Variants in HS3ST3B1 observed in about 807,000 individuals in gnomAD.
HS3ST3B1 encodes the protein heparan sulfate glucosamine 3-O-sulfotransferase 3B1.
Under a neutral mutation model 21.3 loss-of-function variants are expected in HS3ST3B1, and 13 were observed. The observed-to-expected ratio is 0.61, with a 90% confidence interval of 0.40 to 0.97. HS3ST3B1 has a LOEUF of 0.97. Among genes scored for constraint, HS3ST3B1 ranks in the 50% least tolerant of loss-of-function variants. HS3ST3B1 has a pLI of 0.00. For missense variants in HS3ST3B1, 459 were observed against 554.8 expected (o/e 0.83, Z 1.73); for synonymous variants, 234 against 254.8 (o/e 0.92, Z 0.78).
At chr17:14,310,080 A>G (rs1394913194) in intron 1 of HS3ST3B1, among the ~76,000 whole-genome samples, 1 of 152,238 alleles carries the variant, frequency 6.6e-6, no homozygotes, top group African/African-American at 2.4e-5. Flanking sequence ...GATTCAGTGG[A>G]TAACAGAAAA....
In HS3ST3B1 at chr17:14,302,164, A is replaced by T. The variant is rs1161268017; in HGVS notation, c.554+92A>T. On this transcript the variant is annotated intron_variant, in intron 1 of 1. Coordinates refer to ENST00000360954, the MANE Select transcript of HS3ST3B1 (RefSeq NM_006041.3). Reference sequence around the variant, plus strand: ...CGTATGATAGGGAATTGGCAGGGTTACAGCTTCGGACCACCCGGGGTAGGG... The same window carrying T: ...CGTATGATAGGGAATTGGCAGGGTTTCAGCTTCGGACCACCCGGGGTAGGG... The T allele has an allele frequency of 4.3e-6, 6 of 1,400,546 alleles. No homozygotes were observed. The African/African-American group carries it at 8.6e-5, about 20-fold the overall frequency. 86.8% of individuals were successfully genotyped at this position (1,400,546 alleles called of 1,614,324 possible).
chr17:14,332,656 A>G (rs1220605416), intron 1 of HS3ST3B1, among the ~76,000 whole-genome samples: 2 of 151,704 alleles, frequency 1.3e-5, no homozygotes, highest in East Asian at 3.9e-4. Context: ...TGGGTCCCTC[A>G]TTTCCCTTAT....
intron 1 of HS3ST3B1, among the ~76,000 whole-genome samples, chr17:14,317,892 T>A (rs968118437): frequency 6.7e-6 from 1 of 149,276 alleles, no homozygotes; most frequent in Non-Finnish European, 1.5e-5. Context: ...ATTTAAAAAT[T>A]TGTGATTTCA....
intron 1 of HS3ST3B1, among the ~76,000 whole-genome samples, chr17:14,320,279 C>T (rs12150152): frequency 1.3e-5 from 2 of 151,948 alleles, no homozygotes; most frequent in Non-Finnish European, 1.5e-5. Flanking sequence ...TGGGGCGCTG[C>T]ACTGGGAAGG....
intron 1 of HS3ST3B1, chr17:14,328,157 A>C (rs1909874390): frequency 6.6e-6 from 1 of 152,228 alleles, no homozygotes; most frequent in Non-Finnish European, 1.5e-5. Context: ...AACATCATCT[A>C]TCAAAAAGTT....
At chr17:14,313,117 T>TAC (rs1214707058) in intron 1 of HS3ST3B1, among the ~76,000 whole-genome samples, 34 of 95,506 alleles carry the variant, frequency 3.6e-4, no homozygotes, top group African/African-American at 1.2e-3. Flanking sequence ...TGTATATATA[T>TAC]ATATATGTGT....
At chr17:14,309,426 CG>C (rs1909235004) in intron 1 of HS3ST3B1, among the ~76,000 whole-genome samples, 1 of 152,216 alleles carries the variant, frequency 6.6e-6, no homozygotes, top group African/African-American at 2.4e-5. Flanking sequence ...CCTGGCTGAG[CG>C]GCCCGCGCTA....
At chr17:14,325,659 A>T (rs777571243) in intron 1 of HS3ST3B1, among the ~76,000 whole-genome samples, 1 of 152,214 alleles carries the variant, frequency 6.6e-6, no homozygotes, top group South Asian at 2.1e-4. Context: ...ACACCTAGTG[A>T]TCTTTTTTTG....
chr17:14,329,367 A>AAGAAAGAAAAGGAAGGAAGGAAGGAAGG (rs1555549453), intron 1 of HS3ST3B1: 83 of 106,180 alleles, frequency 7.8e-4, no homozygotes, highest in African/African-American at 3.0e-3. Context: ...GAAAGAAAGA[A>AAGAAAGAAAAGGAAGGAAGGAAGGAAGG]AAGGAAGGAA....
intron 1 of HS3ST3B1, among the ~76,000 whole-genome samples, chr17:14,342,996 C>A (rs1910433916): frequency 6.6e-6 from 1 of 152,206 alleles, no homozygotes; most frequent in Non-Finnish European, 1.5e-5. Context: ...GTAATCCCAG[C>A]ACTTTGGGAG....
intron 1 of HS3ST3B1, among the ~76,000 whole-genome samples, chr17:14,343,025 C>CCT (rs1433627796): frequency 6.6e-6 from 1 of 152,060 alleles, no homozygotes; most frequent in South Asian, 2.1e-4. Flanking sequence ...GGGTGGATCA[C>CCT]GAGGTCAGGA....
intron 1 of HS3ST3B1, among the ~76,000 whole-genome samples, chr17:14,339,285 C>G (rs1043253098): frequency 4.6e-5 from 7 of 152,028 alleles, no homozygotes; most frequent in Non-Finnish European, 7.4e-5. Flanking sequence ...AACCAAAGAG[C>G]CTTATTGTTT....
At chr17:14,314,991 G>T (rs146255787) in intron 1 of HS3ST3B1, among the ~76,000 whole-genome samples, 2 of 152,296 alleles carry the variant, frequency 1.3e-5, no homozygotes, top group East Asian at 1.9e-4. Context: ...GGTCTGCTTA[G>T]CTGGCTGCCA....
At chr17:14,334,827 G>C (rs1007871415) in intron 1 of HS3ST3B1, among the ~76,000 whole-genome samples, 3 of 152,076 alleles carry the variant, frequency 2.0e-5, no homozygotes, top group Admixed American at 6.6e-5. Context: ...TTTGAGTTTA[G>C]CTGCTGATGT....
chr17:14,315,681 C>T (rs886224368), intron 1 of HS3ST3B1, among the ~76,000 whole-genome samples: 2 of 151,894 alleles, frequency 1.3e-5, no homozygotes, highest in Non-Finnish European at 2.9e-5. Flanking sequence ...AAATGCCAGG[C>T]GTGGTGGCGG....
At position 14,302,061 on chromosome 17, in the gene HS3ST3B1, C is replaced by G; in HGVS notation, c.543C>G (p.Leu181=). The G allele has an allele frequency of 6.2e-7, 1 of 1,600,576 alleles. No individual in the cohort carries two copies. The highest frequency in any genetic ancestry group is 8.5e-7 in the Non-Finnish European group (1 of 1,177,746). ...TCGATCGCAGCTACGACAAGGGCCT[C>G]GCTTGGTACCGGTGAGTTTCCCTGC... is the stretch of plus-strand genomic sequence containing the variant. ...HFFDRSYDKG[L]AWYRDLMPRT... is the part of the protein sequence containing the mutation. The change falls in exon 1 of 2, where the codon CTC becomes CTG. Residue 181 remains leucine (L), a synonymous_variant. Transcript: ENST00000360954.
intron 1 of HS3ST3B1, among the ~76,000 whole-genome samples, chr17:14,307,661 G>T (rs1478288871): frequency 3.3e-5 from 5 of 152,148 alleles, no homozygotes; most frequent in Admixed American, 6.5e-5. Flanking sequence ...GTTCAGAACT[G>T]AAATACGTGA....
intron 1 of HS3ST3B1, among the ~76,000 whole-genome samples, chr17:14,319,928 C>T (rs2036288747): frequency 6.6e-6 from 1 of 151,830 alleles, no homozygotes; most frequent in South Asian, 2.1e-4. Flanking sequence ...TCCTCACCAC[C>T]CTCCCCCCGA....
At chr17:14,336,062 C>G (rs1410293640) in intron 1 of HS3ST3B1, among the ~76,000 whole-genome samples, 2 of 152,124 alleles carry the variant, frequency 1.3e-5, no homozygotes, top group Non-Finnish European at 2.9e-5. Flanking sequence ...AGTCATTTTC[C>G]TAACGGGCCA....
Sources: allele counts gnomAD v4.1 joint callset (sites outside exome capture counted in the v4.1 genomes callset), GRCh38; gene constraint gnomAD v4.1.1; transcripts MANE v1.5; gene names NCBI Gene and HGNC (gene_info 2026-07-23, HGNC 2026-07-21).